KCNH7: variants seen among roughly 807,000 people sequenced by gnomAD.
KCNH7 encodes potassium voltage-gated channel subfamily H member 7.
A neutral mutation model predicts 120.8 loss-of-function variants in KCNH7; 49 were observed. The ratio of observed to expected loss-of-function variants is 0.41; its 90% CI spans 0.32 to 0.51. The LOEUF (loss-of-function observed/expected upper bound fraction) is 0.51. Ranked by LOEUF, KCNH7 falls within the 20% of genes least tolerant of loss-of-function variation. KCNH7 has a pLI of 0.38. For missense variants in KCNH7, 1,097 were observed against 1,446.6 expected (o/e 0.76, Z 3.92); for synonymous variants, 547 against 516.1 (o/e 1.06, Z -0.81).
chr2:162,397,236 C>A (rs78792514), intron 10 of KCNH7, among the ~76,000 whole-genome samples: 1 of 151,786 alleles, frequency 6.6e-6, no homozygotes, highest in African/African-American at 2.4e-5. Context: ...AAGGGTCGTA[C>A]CATAGAGTAT....
chr2:162,447,028 C>T lies in KCNH7; in HGVS notation c.1129-585G>A, dbSNP rs145990400. On this transcript the variant is annotated intron_variant, in intron 6 of 15. Transcript: ENST00000332142. ...GAGATTAAAATGAACACAAAAGAGG[C>T]TTTTCCTTAAAAGGTTGAGAGAGTA... 1.6e-3 allele frequency among the ~76,000 whole-genome samples: 243 copies of T among 152,194 alleles called. 6 individuals are homozygous for T. In the East Asian group the frequency reaches 0.039, roughly 24 times the overall value.
intron 2 of KCNH7, among the ~76,000 whole-genome samples, chr2:162,619,832 T>A (rs187557343): frequency 6.6e-6 from 1 of 152,196 alleles, no homozygotes; most frequent in East Asian, 1.9e-4. Flanking sequence ...TTATTATTTA[T>A]TAATCAACTT....
Position 162,513,426 on chromosome 2 carries a change from T to TTTCCTTCC in KCNH7, c.893-760_893-753dup, listed in dbSNP as rs573753682. Among the ~76,000 whole-genome samples the TTTCCTTCC allele has an allele frequency of 5.1e-3, 456 of 89,482 alleles. 45 individuals are homozygous for TTTCCTTCC. The highest frequency in any genetic ancestry group is 0.034 in the Admixed American group (253 of 7,412). 58.7% of individuals were successfully genotyped at this position (89,482 alleles called of 152,430 possible). A position where few individuals can be genotyped will look rare whatever the true frequency, so the allele number is the denominator to read the frequency against. On this transcript the variant is annotated intron_variant, in intron 4 of 15. Transcript: ENST00000332142. ...CCTTCTTTCCTTCCTTCCCTCCTTC[T>TTTCCTTCC]TTCCTTCCTTCCTTCCTTCCTTCCT...
At chr2:162,807,328 T>C (rs1172343784) in intron 2 of KCNH7, among the ~76,000 whole-genome samples, 1 of 147,260 alleles carries the variant, frequency 6.8e-6, no homozygotes, top group African/African-American at 2.5e-5. Flanking sequence ...TCCCAGCTAC[T>C]GGAGAGGCTG....
At chr2:162,671,072 A>T (rs1685336518) in intron 2 of KCNH7, among the ~76,000 whole-genome samples, 1 of 152,164 alleles carries the variant, frequency 6.6e-6, no homozygotes, top group Admixed American at 6.5e-5. Context: ...GTCAAAAAAC[A>T]ACAGACATTG....
At chr2:162,782,388 A>G (rs1683533212) in intron 2 of KCNH7, among the ~76,000 whole-genome samples, 1 of 152,222 alleles carries the variant, frequency 6.6e-6, no homozygotes, top group African/African-American at 2.4e-5. Flanking sequence ...ATTTGAAGAA[A>G]GACCAGAAAA....
At chr2:162,696,577 C>T (rs1470360307) in intron 2 of KCNH7, among the ~76,000 whole-genome samples, 1 of 151,914 alleles carries the variant, frequency 6.6e-6, no homozygotes, top group African/African-American at 2.4e-5. Flanking sequence ...AGACAAAGAC[C>T]ACTGCACTAG....
At chr2:162,521,201 T>A (rs1348527300) in intron 3 of KCNH7, among the ~76,000 whole-genome samples, 1 of 151,922 alleles carries the variant, frequency 6.6e-6, no homozygotes, top group Admixed American at 6.6e-5. Flanking sequence ...CAGGCTATTT[T>A]GCTTACTTAG....
chr2:162,807,294 A>G (rs951017946), intron 2 of KCNH7, among the ~76,000 whole-genome samples: 365 of 145,306 alleles, frequency 2.5e-3, no homozygotes, highest in African/African-American at 8.8e-3. Flanking sequence ...CAAATTAGCC[A>G]GGTGTGGTGC....
chr2:162,520,991 T>G (rs1273454288), intron 3 of KCNH7, among the ~76,000 whole-genome samples: 1 of 151,880 alleles, frequency 6.6e-6, no homozygotes, highest in East Asian at 2.0e-4. Flanking sequence ...TCTTTCTGTT[T>G]GATCCTTTTT....
At chr2:162,653,068 C>T (rs1427149418) in intron 2 of KCNH7, among the ~76,000 whole-genome samples, 1 of 152,150 alleles carries the variant, frequency 6.6e-6, no homozygotes. Context: ...GAAACTGAGG[C>T]TTAAGGGAAA....
At chr2:162,614,139 G>C (rs969722877) in intron 2 of KCNH7, among the ~76,000 whole-genome samples, 1 of 152,002 alleles carries the variant, frequency 6.6e-6, no homozygotes, top group African/African-American at 2.4e-5. Flanking sequence ...ATGTAAACTA[G>C]AGCAGTACAT....
intron 2 of KCNH7, among the ~76,000 whole-genome samples, chr2:162,567,456 A>G (rs1693295175): frequency 6.6e-6 from 1 of 151,998 alleles, no homozygotes; most frequent in African/African-American, 2.4e-5. Context: ...TACCCTTGCT[A>G]GGAAGTGTGC....
chr2:162,578,477 T>A (rs1054921338), intron 2 of KCNH7, among the ~76,000 whole-genome samples: 1 of 152,020 alleles, frequency 6.6e-6, no homozygotes, highest in Admixed American at 6.6e-5. Context: ...CGGCCAAGGC[T>A]TCTGACCCTA....
At chr2:162,649,943 T>C (rs556992204) in intron 2 of KCNH7, among the ~76,000 whole-genome samples, 365 of 152,312 alleles carry the variant, frequency 2.4e-3, no homozygotes, top group Non-Finnish European at 4.2e-3. Context: ...CCTAATATAT[T>C]GGGCCATTAG....
At chr2:162,379,819 G>T in intron 14 of KCNH7, 34 bp downstream of exon 14, 1 of 1,608,052 alleles carries the variant, frequency 6.2e-7, no homozygotes, top group Non-Finnish European at 8.5e-7. Context: ...AAGGGGTTGG[G>T]TTATGTTCTC....
chr2:162,566,760 G>A (rs1016495743), intron 2 of KCNH7, among the ~76,000 whole-genome samples: 2 of 152,034 alleles, frequency 1.3e-5, no homozygotes, highest in African/African-American at 4.8e-5. Context: ...GTCAGGTAGA[G>A]ATCAAGATTT....
Position 162,462,775 on chromosome 2 carries a change from T to G in KCNH7, c.1129-16332A>C, listed in dbSNP as rs112847619. Reference sequence around the variant, plus strand: ...ATTCTCAGGCCTGTGTTTTGCTTTTTAATAGCTTGACTAGGTGATGGATGT... The same window carrying G: ...ATTCTCAGGCCTGTGTTTTGCTTTTGAATAGCTTGACTAGGTGATGGATGT... On this transcript the variant is annotated intron_variant, in intron 6 of 15. Transcript: ENST00000332142. 3.9e-5 allele frequency among the ~76,000 whole-genome samples: 6 copies of G among 152,172 alleles called. 1 individual carries two copies. The highest frequency in any genetic ancestry group is 1.2e-4 in the African/African-American group (5 of 41,574).
chr2:162,600,414 T>A (rs920486141), intron 2 of KCNH7, among the ~76,000 whole-genome samples: 9 of 152,066 alleles, frequency 5.9e-5, no homozygotes, highest in African/African-American at 1.7e-4. Context: ...AAAAACCAGA[T>A]AATTTGGGGG....
Sources: allele counts gnomAD v4.1 joint callset (sites outside exome capture counted in the v4.1 genomes callset), GRCh38; gene constraint gnomAD v4.1.1; transcripts MANE v1.5; gene names NCBI Gene and HGNC (gene_info 2026-07-23, HGNC 2026-07-21).